Variants in DBN1 observed in about 807,000 individuals in gnomAD.
DBN1 encodes drebrin.
Under a neutral mutation model 83.5 loss-of-function variants are expected in DBN1, and 21 were observed. The observed-to-expected ratio is 0.25, with a 90% CI of 0.18 to 0.36. The LOEUF (loss-of-function observed/expected upper bound fraction) is 0.36. Ranked by LOEUF, DBN1 falls within the 10% of genes least tolerant of loss-of-function variation. The pLI is 1.00. For missense variants in DBN1, 874 were observed against 935.7 expected, an observed-to-expected ratio of 0.93 and a Z score of 0.86; for synonymous variants, 381 against 384.9, an observed-to-expected ratio of 0.99 and a Z score of 0.12.
At chr5:177,461,752 A>G (rs1219534549) in intron 8 of DBN1, among the ~76,000 whole-genome samples, 2 of 152,068 alleles carry the variant, frequency 1.3e-5, no homozygotes, top group Admixed American at 6.5e-5. Context: ...TGCTCTCCAT[A>G]GGCCCTGAAA....
chr5:177,457,608 C>A, intron 14 of DBN1, 47 bp downstream of exon 14: 1 of 1,529,920 alleles, frequency 6.5e-7, no homozygotes, highest in Non-Finnish European at 9.0e-7. Context: ...ACACTCAAAT[C>A]CAGCCCCCGC....
In DBN1 at chr5:177,468,884, A is replaced by G. The variant is rs1381088895; in HGVS notation, c.102T>C (p.Tyr34=). 1.3e-5 allele frequency: 17 copies of G among 1,319,546 alleles called. No individual in the cohort carries two copies. The highest frequency in any genetic ancestry group is 1.7e-5 in the Non-Finnish European group (17 of 1,025,486). 81.7% of individuals were successfully genotyped at this position (1,319,546 alleles called of 1,614,324 possible). A position where few individuals can be genotyped will look rare whatever the true frequency, so the allele number is the denominator to read the frequency against. Residue 34 remains tyrosine, a synonymous_variant, in exon 2 of 15, where the codon TAT becomes TAC. Coordinates refer to ENST00000393565, the MANE Select transcript of DBN1 (RefSeq NM_001363541.2). ...GCTTGAGGTCATCGGAGCCATCTTC[A>G]TATGTGTACAGAGCCCTGGGGAGAG... ...ESAADWALYT[Y]EDGSDDLKLA...
chr5:177,472,278 AGGCCAGCCCAAGC>A (rs1757905971), intron 1 of DBN1: 1 of 1,603,000 alleles, frequency 6.2e-7, no homozygotes, highest in Admixed American at 1.7e-5. Flanking sequence ...TGTGCGGGTG[AGGCCAGCCCAAGC>A]GGGGTCCCTC....
chr5:177,467,738 C>T lies in DBN1; in HGVS notation c.330+5G>A, dbSNP rs202081367. 8.6e-5 allele frequency: 134 copies of T among 1,553,264 alleles called. 1 individual carries two copies. Among genetic ancestry groups the T allele is most frequent in the East Asian group, 6.8e-4 (28 of 40,998 alleles). On this transcript the variant is annotated splice_donor_5th_base_variant and intron_variant, in intron 4 of 14. Transcript: ENST00000393565. The surrounding 1 kb of genome is among the most constrained non-coding windows in gnomAD (Gnocchi z 9.1). ...CCCCCAAGAGCGCTGGCCCCTGACA[C>T]GCACCTGGAAGAACTCCGCCACCTT...
In DBN1 at chr5:177,460,307, G is replaced by T. The variant is rs183188975; in HGVS notation, c.955+125C>A. On this transcript the variant is annotated intron_variant, in intron 10 of 14. Transcript: ENST00000393565. Reference sequence around the variant, plus strand: ...GGGAAGTGGTGGGCGGATGCACGCTGGATGAAGGGTCTCGCCTTCTCCAAG... The same window carrying T: ...GGGAAGTGGTGGGCGGATGCACGCTTGATGAAGGGTCTCGCCTTCTCCAAG... 810 of 1,414,296 alleles carry T rather than the reference G, an allele frequency of 5.7e-4. 4 individuals are homozygous for T. In the African/African-American group the frequency reaches 9.8e-3, roughly 17 times the overall value. 87.6% of individuals were successfully genotyped at this position (1,414,296 alleles called of 1,614,324 possible). A position where few individuals can be genotyped will look rare whatever the true frequency, so the allele number is the denominator to read the frequency against.
chr5:177,459,305 G>A, intron 11 of DBN1, 37 bp from the exon 12 acceptor site: 2 of 1,592,366 alleles, frequency 1.3e-6, no homozygotes, highest in African/African-American at 1.3e-5. Context: ...GTGAGGGCGG[G>A]GGAGCCGGGT....
At position 177,466,133 on chromosome 5, in the gene DBN1, C is replaced by T. The variant is rs1757427923; in HGVS notation, c.771+639G>A. Among the ~76,000 whole-genome samples, 1 of 152,186 alleles carries T rather than the reference C, an allele frequency of 6.6e-6. No individual in the cohort carries two copies. Among genetic ancestry groups the T allele is most frequent in the South Asian group, 2.1e-4 (1 of 4,828 alleles). On this transcript the variant is annotated intron_variant, in intron 8 of 14. Transcript: ENST00000393565. This position sits in a 1 kb window ranked among gnomAD's most constrained non-coding sequence, Gnocchi z 4.8. ...GAGTCCCCACAGCCATGCATCTGCC[C>T]ATTACAGTCCCAATCCAGATGAGTA...
intron 1 of DBN1, among the ~76,000 whole-genome samples, chr5:177,470,013 G>A (rs934286466): frequency 1.3e-5 from 2 of 152,226 alleles, no homozygotes; most frequent in African/African-American, 4.8e-5. Flanking sequence ...AGAAGAGAAA[G>A]GACAGAAGTG....
intron 1 of DBN1, chr5:177,472,233 C>A (rs1394347027): frequency 6.2e-7 from 1 of 1,613,488 alleles, no homozygotes; most frequent in Non-Finnish European, 8.5e-7. Flanking sequence ...TCCAGAAGCC[C>A]CCAGGTCAGA....
chr5:177,458,014 C>T (rs1195039263), intron 13 of DBN1, 44 bp downstream of exon 13: 2 of 1,612,002 alleles, frequency 1.2e-6, no homozygotes, highest in Admixed American at 1.7e-5. Flanking sequence ...CCTGCTCAGC[C>T]CCCACTCCCT....
At chr5:177,458,783 G>A in intron 12 of DBN1, 76 bp from the exon 13 acceptor site, 3 of 1,338,186 alleles carry the variant, frequency 2.2e-6, no homozygotes, top group East Asian at 2.5e-5. Flanking sequence ...ACCCACTAAG[G>A]AGTGAGGGAG....
chr5:177,467,146 T>C lies in DBN1; in HGVS notation c.556-84A>G, dbSNP rs759276358. 2.7e-6 allele frequency: 4 copies of C among 1,494,956 alleles called. No individual in the cohort carries two copies. The highest frequency in any genetic ancestry group is 3.6e-6 in the Non-Finnish European group (4 of 1,098,812). The allele number at this position is 1,494,956 out of a possible 1,614,324, so 92.6% of individuals were successfully genotyped here. On this transcript the variant is annotated intron_variant, in intron 6 of 14. Coordinates refer to ENST00000393565, the MANE Select transcript of DBN1 (RefSeq NM_001363541.2). This position sits in a 1 kb window ranked among gnomAD's most constrained non-coding sequence, Gnocchi z 9.1. ...CTCCAGCCCCTCCCTAACCCAGCGCTGGGGGCGGGGCACGTGGCATGGGCC... is the reference window on the plus strand; with the variant it reads ...CTCCAGCCCCTCCCTAACCCAGCGCCGGGGGCGGGGCACGTGGCATGGGCC...
In DBN1 at chr5:177,458,355, G is replaced by C; in HGVS notation, c.1617C>G (p.Pro539=). The C allele has an allele frequency of 6.2e-7, 1 of 1,613,552 alleles. No homozygotes were observed. The highest frequency in any genetic ancestry group is 1.1e-5 in the South Asian group (1 of 91,046). ...GEGASTLQGE[P]RAPTPPSGTE... is the part of the protein sequence containing the mutation. ...TACCCGAGGGTGGCGTGGGGGCCCT[G>C]GGCTCACCCTGGAGTGTGGAGGCCC... Residue 539 remains proline, a synonymous_variant, in exon 13 of 15, where the codon CCC becomes CCG. Transcript: ENST00000393565.
intron 12 of DBN1, 73 bp from the exon 13 acceptor site, chr5:177,458,780 A>G (rs1226450616): frequency 1.4e-5 from 19 of 1,353,708 alleles, no homozygotes; most frequent in Middle Eastern, 2.6e-4. Flanking sequence ...CCCACCCACT[A>G]AGGAGTGAGG....
chr5:177,473,431 C>A lies in DBN1; in HGVS notation c.86+5G>T. 1 of 1,408,874 alleles carries A rather than the reference C, an allele frequency of 7.1e-7. No homozygotes were observed. The highest frequency in any genetic ancestry group is 9.3e-7 in the Non-Finnish European group (1 of 1,069,530). The allele number at this position is 1,408,874 out of a possible 1,614,324, so 87.3% of individuals were successfully genotyped here. On this transcript the variant is annotated splice_donor_5th_base_variant and intron_variant, in intron 1 of 14. Coordinates refer to ENST00000393565, the MANE Select transcript of DBN1 (RefSeq NM_001363541.2). Reference sequence around the variant, plus strand: ...AGGGGCCGGGGGCGGGGGCGGGGGGCTCACCAGTCGGCCGCGCTCTCCTCT... The same window carrying A: ...AGGGGCCGGGGGCGGGGGCGGGGGGATCACCAGTCGGCCGCGCTCTCCTCT...
chr5:177,458,905 G>A (rs1034503325), intron 12 of DBN1, among the ~76,000 whole-genome samples, 193 bp downstream of exon 12: 4 of 152,192 alleles, frequency 2.6e-5, no homozygotes, highest in South Asian at 4.1e-4. Flanking sequence ...CACTTGAGAG[G>A]GCGGGTGCTA....
intron 8 of DBN1, among the ~76,000 whole-genome samples, chr5:177,461,834 A>G (rs1418243253): frequency 6.6e-6 from 1 of 152,186 alleles, no homozygotes; most frequent in East Asian, 1.9e-4. Context: ...CCCATGAGCC[A>G]CAGCAAGCAC....
chr5:177,459,221 T>G lies in DBN1; in HGVS notation c.1141A>C (p.Thr381Pro). 6.2e-7 allele frequency: 1 copy of G among 1,610,982 alleles called. No individual in the cohort carries two copies. Among genetic ancestry groups the G allele is most frequent in the Non-Finnish European group, 8.5e-7 (1 of 1,179,062 alleles). ...GTGCTGGAGTCAGACGGGCTCCGCG[T>G]GGGGATGGGAGTGGGCGCCATCCTC... Reference protein sequence around the residue: ...HRRMAPTPIPTRSPSDSSTAS... With the variant: ...HRRMAPTPIPPRSPSDSSTAS... The change falls in exon 12 of 15, where the codon ACG becomes CCG. Residue 381 changes from threonine (T) to proline (P), a missense_variant. Transcript: ENST00000393565.
At chr5:177,461,137 C>T (rs1383068561) in intron 8 of DBN1, among the ~76,000 whole-genome samples, 49 of 116,188 alleles carry the variant, frequency 4.2e-4, no homozygotes, top group African/African-American at 1.3e-3. Context: ...CTCGCTCTGT[C>T]GCCCAGGCTG....
Sources: gnomAD v4.1 joint callset for allele counts (sites outside exome capture counted in the v4.1 genomes callset) on GRCh38, gnomAD v4.1.1 for gene constraint, Gnocchi (gnomAD v3.1) non-coding constraint, MANE v1.5 for transcripts, NCBI Gene and HGNC (gene_info 2026-07-23, HGNC 2026-07-21) for gene names.